ZFYVE28: variants seen among roughly 807,000 people sequenced by gnomAD.
The protein encoded by ZFYVE28 is zinc finger FYVE-type containing 28, also known as lateral signaling target protein 2 homolog.
Under a neutral mutation model 82.1 loss-of-function variants are expected in ZFYVE28, and 40 were observed. The observed-to-expected ratio is 0.49, with a 90% CI of 0.38 to 0.63. ZFYVE28 has a LOEUF of 0.63. ZFYVE28 is among the 30% of genes least tolerant of loss of function. The probability of loss-of-function intolerance (pLI) is 0.00; values close to 1 mark genes in which losing one functional copy is unlikely to be tolerated. For synonymous variants in ZFYVE28, 612 were observed against 546.1 expected, an observed-to-expected ratio of 1.12 and a Z score of -1.68; for missense variants, 1,321 against 1,242.1, an observed-to-expected ratio of 1.06 and a Z score of -0.96.
chr4:2,333,184 C>T (rs1030899911), intron 6 of ZFYVE28, among the ~76,000 whole-genome samples: 4 of 150,314 alleles, frequency 2.7e-5, no homozygotes, highest in Non-Finnish European at 4.4e-5. Flanking sequence ...CCTTGGCCTC[C>T]CCCGCAGCAC....
At chr4:2,364,717 C>T (rs1304709940) in intron 1 of ZFYVE28, 2 of 985,362 alleles carry the variant, frequency 2.0e-6, no homozygotes, top group African/African-American at 1.7e-5. Flanking sequence ...TCAGGGGTGA[C>T]AGTGGTGGAC....
Position 2,355,258 on chromosome 4 carries a change from ATATATATATATAT to A in ZFYVE28, c.40-1198_40-1186del, listed in dbSNP as rs1725122485. Reference sequence around the variant, plus strand: ...TATATATATATATATATATATATATATATATATATATATAATGATTCTTCTTTTTTTTTTTTTT... The same window carrying A: ...TATATATATATATATATATATATATAAATGATTCTTCTTTTTTTTTTTTTT... On this transcript the variant is annotated intron_variant, in intron 1 of 12. Coordinates refer to ENST00000290974, the MANE Select transcript of ZFYVE28 (RefSeq NM_020972.3). Among the ~76,000 whole-genome samples the A allele has an allele frequency of 2.3e-3, 34 of 14,806 alleles. 4 individuals are homozygous for A. Among genetic ancestry groups the A allele is most frequent in the African/African-American group, 7.6e-3 (18 of 2,380 alleles). 9.7% of individuals were successfully genotyped at this position (14,806 alleles called of 152,430 possible). A position where few individuals can be genotyped will look rare whatever the true frequency, so the allele number is the denominator to read the frequency against.
chr4:2,310,463 C>T (rs997757112), intron 7 of ZFYVE28, among the ~76,000 whole-genome samples: 2 of 152,014 alleles, frequency 1.3e-5, no homozygotes, highest in Non-Finnish European at 2.9e-5. Flanking sequence ...CTTGTAATAT[C>T]TTGGTCAGGT....
Position 2,270,721 on chromosome 4 carries a change from C to G in ZFYVE28, c.*4G>C, listed in dbSNP as rs373929274. ...GGTGGGTTGGGGCTGCCCCTGGCAC[C>G]ACGTCACAGGCCGGCCTTGTCGCTG... is the stretch of plus-strand genomic sequence containing the variant. On this transcript the variant is annotated 3_prime_UTR_variant, in exon 13 of 13. Coordinates refer to ENST00000290974, the MANE Select transcript of ZFYVE28 (RefSeq NM_020972.3). 45 of 1,612,944 alleles carry G rather than the reference C, an allele frequency of 2.8e-5. No homozygotes were observed. In the African/African-American group the frequency reaches 5.9e-4, roughly 21 times the overall value.
At chr4:2,348,099 A>G (rs1723846029) in intron 2 of ZFYVE28, among the ~76,000 whole-genome samples, 1 of 152,184 alleles carries the variant, frequency 6.6e-6, no homozygotes, top group South Asian at 2.1e-4. Flanking sequence ...AACAGAAGAT[A>G]CAACTTAATA....
At chr4:2,413,513 T>C (rs1463789804) in intron 1 of ZFYVE28, among the ~76,000 whole-genome samples, 1 of 151,916 alleles carries the variant, frequency 6.6e-6, no homozygotes, top group Non-Finnish European at 1.5e-5. Flanking sequence ...CAGGACTTCC[T>C]GAGCCCCCTC....
Position 2,271,664 on chromosome 4 carries a change from C to T in ZFYVE28, c.2428+11G>A, listed in dbSNP as rs527277247. 7 of 1,613,320 alleles carry T rather than the reference C, an allele frequency of 4.3e-6. No individual in the cohort carries two copies. Among genetic ancestry groups the T allele is most frequent in the African/African-American group, 4.0e-5 (3 of 75,056 alleles). On this transcript the variant is annotated intron_variant, in intron 11 of 12. Coordinates refer to ENST00000290974, the MANE Select transcript of ZFYVE28 (RefSeq NM_020972.3). Reference sequence around the variant, plus strand: ...CTAGTGCAGTGTCCTGACCCAGAGCCTCCCACACACCTTCAAAGTCCCCAT... The same window carrying T: ...CTAGTGCAGTGTCCTGACCCAGAGCTTCCCACACACCTTCAAAGTCCCCAT...
chr4:2,352,277 C>T (rs572651990), intron 2 of ZFYVE28, among the ~76,000 whole-genome samples: 3 of 152,208 alleles, frequency 2.0e-5, no homozygotes, highest in Non-Finnish European at 1.5e-5. Context: ...AGCTGAGAGC[C>T]TCCCCTGGGG....
intron 8 of ZFYVE28, among the ~76,000 whole-genome samples, chr4:2,303,203 C>T (rs184548694): frequency 1.4e-3 from 212 of 152,230 alleles, no homozygotes; most frequent in Middle Eastern, 0.01. Context: ...ACGGCCTGAC[C>T]GTCACGGGAC....
intron 1 of ZFYVE28, among the ~76,000 whole-genome samples, chr4:2,377,802 G>A (rs906296815): frequency 3.3e-5 from 5 of 152,130 alleles, no homozygotes; most frequent in African/African-American, 7.2e-5. Context: ...ATTTCTGAAC[G>A]ATGTGAATAT....
intron 1 of ZFYVE28, among the ~76,000 whole-genome samples, chr4:2,382,391 C>G (rs1167179305): frequency 2.0e-5 from 3 of 152,210 alleles, no homozygotes; most frequent in African/African-American, 7.2e-5. Flanking sequence ...GGAGGCTGTA[C>G]CCTGCAAAGT....
intron 6 of ZFYVE28, among the ~76,000 whole-genome samples, chr4:2,329,489 A>G (rs949769862): frequency 2.2e-4 from 33 of 152,226 alleles, no homozygotes; most frequent in African/African-American, 7.0e-4. Flanking sequence ...ACTTGAAAAC[A>G]TTATGTGAAG....
intron 2 of ZFYVE28, among the ~76,000 whole-genome samples, chr4:2,344,365 C>A (rs1483524394): frequency 6.6e-6 from 1 of 152,140 alleles, no homozygotes; most frequent in Non-Finnish European, 1.5e-5. Flanking sequence ...CAGGAGCACT[C>A]ACAATTCACA....
chr4:2,378,946 C>T (rs1728444779), intron 1 of ZFYVE28, among the ~76,000 whole-genome samples: 1 of 152,232 alleles, frequency 6.6e-6, no homozygotes, highest in African/African-American at 2.4e-5. Context: ...AAGCTGGTGC[C>T]AGAGGCTCTG....
chr4:2,291,352 T>C (rs764946530), intron 8 of ZFYVE28, among the ~76,000 whole-genome samples: 1 of 152,190 alleles, frequency 6.6e-6, no homozygotes, highest in Non-Finnish European at 1.5e-5. Flanking sequence ...CCCTTGAGAA[T>C]GCTTCCTGGA....
intron 5 of ZFYVE28, among the ~76,000 whole-genome samples, chr4:2,336,454 T>C (rs1266001322): frequency 2.0e-5 from 3 of 152,188 alleles, no homozygotes; most frequent in African/African-American, 4.8e-5. Flanking sequence ...ATAGTACCAC[T>C]TGAACAAGAG....
In ZFYVE28 at chr4:2,297,888, G is replaced by A. The variant is rs919606526; in HGVS notation, c.2051+6401C>T. On this transcript the variant is annotated intron_variant, in intron 8 of 12. Transcript: ENST00000290974. ...GGAGGAACGGCAGAGGACGAGCGGTGACAGTGGGGTGACACAGTGACACAG... is the reference window on the plus strand; with the variant it reads ...GGAGGAACGGCAGAGGACGAGCGGTAACAGTGGGGTGACACAGTGACACAG... 5.4e-5 allele frequency among the ~76,000 whole-genome samples: 8 copies of A among 149,514 alleles called. No individual in the cohort carries two copies. In the South Asian group the frequency reaches 1.7e-3, roughly 32 times the overall value.
chr4:2,288,430 G>A (rs1418484147), intron 8 of ZFYVE28, among the ~76,000 whole-genome samples: 3 of 152,254 alleles, frequency 2.0e-5, no homozygotes, highest in Non-Finnish European at 4.4e-5. Flanking sequence ...CCTGGGCTGG[G>A]TGCTGGGGCC....
At chr4:2,271,265 C>T (rs745345570) in intron 12 of ZFYVE28, 46 bp downstream of exon 12, 29 of 1,571,796 alleles carry the variant, frequency 1.8e-5, no homozygotes, top group Middle Eastern at 1.7e-4. Context: ...TGTCCGTGGA[C>T]GCCCTTGGAT....
Sources: gnomAD v4.1 joint callset for allele counts (sites outside exome capture counted in the v4.1 genomes callset) on GRCh38, gnomAD v4.1.1 for gene constraint, MANE v1.5 for transcripts, NCBI Gene and HGNC (gene_info 2026-07-23, HGNC 2026-07-21) for gene names.